ABLIM2: variants seen among roughly 807,000 people sequenced by gnomAD.
The protein encoded by ABLIM2 is actin-binding LIM protein 2.
Under a neutral mutation model 97.7 loss-of-function variants are expected in ABLIM2, and 53 were observed. The observed-to-expected ratio is 0.54, with a 90% confidence interval of 0.44 to 0.68. ABLIM2 has a LOEUF of 0.68. Among genes scored for constraint, ABLIM2 ranks in the 30% least tolerant of loss-of-function variants. The pLI, the probability that ABLIM2 is intolerant of heterozygous loss-of-function variation, is 0.00. For missense variants in ABLIM2, 835 were observed against 867.2 expected (o/e 0.96, Z 0.47); for synonymous variants, 361 against 345.8 (o/e 1.04, Z -0.49).
At position 8,084,320 on chromosome 4, in the gene ABLIM2, G is replaced by A. The variant is rs371900062; in HGVS notation, c.455-3518C>T. 2.2e-3 allele frequency among the ~76,000 whole-genome samples: 334 copies of A among 152,228 alleles called. 2 individuals carry two copies. Among genetic ancestry groups the A allele is most frequent in the African/African-American group, 7.7e-3 (318 of 41,540 alleles). On this transcript the variant is annotated intron_variant, in intron 4 of 20. Transcript: ENST00000447017. ...AGGATCCTGGGTTTACCTCCCAGGCGCACCCAGGGGTTCTCCTGTTTCCTA... is the reference window on the plus strand; with the variant it reads ...AGGATCCTGGGTTTACCTCCCAGGCACACCCAGGGGTTCTCCTGTTTCCTA...
At chr4:8,049,724 G>C (rs761038162) in intron 8 of ABLIM2, among the ~76,000 whole-genome samples, 14 of 152,050 alleles carry the variant, frequency 9.2e-5, no homozygotes, top group African/African-American at 1.4e-4. Context: ...CTGCCAATCA[G>C]AACATTTTAT....
At position 7,992,002 on chromosome 4, in the gene ABLIM2, A is replaced by T. The variant is rs1749166316; in HGVS notation, c.1680+864T>A. Reference sequence around the variant, plus strand: ...TTTTAGTGGCCTCGGTTGAGAGGTGAATTGCCTCTATTTATGAACAAATTT... The same window carrying T: ...TTTTAGTGGCCTCGGTTGAGAGGTGTATTGCCTCTATTTATGAACAAATTT... On this transcript the variant is annotated intron_variant, in intron 17 of 20. Transcript: ENST00000447017. This position sits in a 1 kb window ranked among gnomAD's most constrained non-coding sequence, Gnocchi z 5.7. Among the ~76,000 whole-genome samples, 1 of 152,096 alleles carries T rather than the reference A, an allele frequency of 6.6e-6. No individual in the cohort carries two copies. The highest frequency in any genetic ancestry group is 1.5e-5 in the Non-Finnish European group (1 of 68,012).
chr4:8,103,636 C>G (rs1319112591), intron 2 of ABLIM2, among the ~76,000 whole-genome samples: 1 of 152,240 alleles, frequency 6.6e-6, no homozygotes, highest in Non-Finnish European at 1.5e-5. Context: ...GTCCCCAGCC[C>G]TGGGTCAGCC....
At chr4:8,101,896 A>G (rs2152712719) in intron 2 of ABLIM2, among the ~76,000 whole-genome samples, 2 of 152,318 alleles carry the variant, frequency 1.3e-5, no homozygotes, top group Admixed American at 1.3e-4. Context: ...TCCCATTTGT[A>G]GAGTAAGGAC....
rs6824787 is a variant in ABLIM2 at position 8,058,755 on chromosome 4, C to T, written c.763+2212G>A. Among the ~76,000 whole-genome samples the T allele has an allele frequency of 5.5e-3, 840 of 152,278 alleles. 7 individuals carry two copies. Among genetic ancestry groups the T allele is most frequent in the African/African-American group, 0.019 (782 of 41,558 alleles). Reference sequence around the variant, plus strand: ...TCCACCATCACCCTCCCAACCCATCCAGTCTTAGGCCTGCCTGGCTCAGTT... The same window carrying T: ...TCCACCATCACCCTCCCAACCCATCTAGTCTTAGGCCTGCCTGGCTCAGTT... On this transcript the variant is annotated intron_variant, in intron 7 of 20. Transcript: ENST00000447017. The surrounding 1 kb of genome is among the most constrained non-coding windows in gnomAD (Gnocchi z 4.2).
chr4:7,988,251 G>T (rs1371288771), intron 17 of ABLIM2, among the ~76,000 whole-genome samples: 1 of 152,166 alleles, frequency 6.6e-6, no homozygotes, highest in Non-Finnish European at 1.5e-5. Context: ...TCGAACTCCT[G>T]ACCTCAAGTG....
At chr4:8,106,739 G>T in intron 1 of ABLIM2, 102 bp from the exon 2 acceptor site, 1 of 1,410,660 alleles carries the variant, frequency 7.1e-7, no homozygotes, top group Non-Finnish European at 9.4e-7. Flanking sequence ...CTGCCAGCGG[G>T]CCCCGCACCC....
At chr4:8,039,206 G>C (rs1305999723) in intron 9 of ABLIM2, among the ~76,000 whole-genome samples, 1 of 152,204 alleles carries the variant, frequency 6.6e-6, no homozygotes, top group Non-Finnish European at 1.5e-5. Context: ...CAAAAGTCAG[G>C]TGAACTCTCA....
intron 14 of ABLIM2, among the ~76,000 whole-genome samples, chr4:8,016,123 C>A (rs2150729484): frequency 6.7e-6 from 1 of 148,664 alleles, no homozygotes; most frequent in South Asian, 2.1e-4. Context: ...CGGCTCACTG[C>A]AACCTCTGCC....
rs564240150 is a variant in ABLIM2 at position 8,005,699 on chromosome 4, A to C, written c.1618+2360T>G. Reference sequence around the variant, plus strand: ...CGCTGCCATTTCCATGCAAATCGGGAAACAAGGCAATGCCATCGGGACAGA... The same window carrying C: ...CGCTGCCATTTCCATGCAAATCGGGCAACAAGGCAATGCCATCGGGACAGA... On this transcript the variant is annotated intron_variant, in intron 16 of 20. Coordinates refer to ENST00000447017, the MANE Select transcript of ABLIM2 (RefSeq NM_001130083.2). The surrounding 1 kb of genome is among the most constrained non-coding windows in gnomAD (Gnocchi z 4.9). Among the ~76,000 whole-genome samples the C allele has an allele frequency of 6.6e-6, 1 of 152,230 alleles. No homozygotes were observed. Among genetic ancestry groups the C allele is most frequent in the South Asian group, 2.1e-4 (1 of 4,838 alleles).
Position 8,072,365 on chromosome 4 carries a change from C to G in ABLIM2, c.675+5263G>C, listed in dbSNP as rs148792191. 6.6e-4 allele frequency among the ~76,000 whole-genome samples: 100 copies of G among 152,312 alleles called. No homozygotes were observed. Among genetic ancestry groups the G allele is most frequent in the African/African-American group, 2.0e-3 (83 of 41,570 alleles). On this transcript the variant is annotated intron_variant, in intron 6 of 20. Transcript: ENST00000447017. This position sits in a 1 kb window ranked among gnomAD's most constrained non-coding sequence, Gnocchi z 5.8. ...CCCACTTTGCTCGCCCAGTGCGGAG[C>G]GTGCCTGAGGCAGAGCAGCCCCAGT...
rs1848683757 is a variant in ABLIM2, at chr4:8,127,925, A to G, written c.11-21288T>C. Reference sequence around the variant, plus strand: ...GTGTAGGGGCAGCAATAGTGAGCTCACAACCCCCACAGCCCCGCGTGCTGG... The same window carrying G: ...GTGTAGGGGCAGCAATAGTGAGCTCGCAACCCCCACAGCCCCGCGTGCTGG... On this transcript the variant is annotated intron_variant, in intron 1 of 20. Coordinates refer to ENST00000447017, the MANE Select transcript of ABLIM2 (RefSeq NM_001130083.2). This position sits in a 1 kb window ranked among gnomAD's most constrained non-coding sequence, Gnocchi z 7.3. Among the ~76,000 whole-genome samples the G allele has an allele frequency of 6.6e-6, 1 of 152,172 alleles. No individual in the cohort carries two copies.
Position 7,999,372 on chromosome 4 carries a change from TA to T in ABLIM2, c.1619-6446del, listed in dbSNP as rs1435552196. 6.6e-6 allele frequency among the ~76,000 whole-genome samples: 1 copy of T among 152,214 alleles called. No individual in the cohort carries two copies. The highest frequency in any genetic ancestry group is 2.1e-4 in the South Asian group (1 of 4,826). ...TGCGCCCGGCCAAGAATCACTGGTTTAAAAAGTCCCTTTACATATTCAGAGA... is the reference window on the plus strand; with the variant it reads ...TGCGCCCGGCCAAGAATCACTGGTTTAAAAGTCCCTTTACATATTCAGAGA... On this transcript the variant is annotated intron_variant, in intron 16 of 20. Coordinates refer to ENST00000447017, the MANE Select transcript of ABLIM2 (RefSeq NM_001130083.2). The surrounding 1 kb of genome is among the most constrained non-coding windows in gnomAD (Gnocchi z 4.4).
At chr4:8,104,691 G>A (rs910908677) in intron 2 of ABLIM2, among the ~76,000 whole-genome samples, 7 of 152,166 alleles carry the variant, frequency 4.6e-5, no homozygotes, top group African/African-American at 1.4e-4. Flanking sequence ...TGAGCTCAGC[G>A]TCTTCCCTAA....
intron 17 of ABLIM2, among the ~76,000 whole-genome samples, chr4:7,987,352 G>A (rs1745085165): frequency 6.6e-6 from 1 of 151,834 alleles, no homozygotes; most frequent in African/African-American, 2.4e-5. Context: ...CAAACTCTTG[G>A]CTTCAAGCAA....
At position 7,992,995 on chromosome 4, in the gene ABLIM2, G is replaced by A; in HGVS notation, c.1619-68C>T. 1.3e-6 allele frequency: 2 copies of A among 1,553,230 alleles called. No individual in the cohort carries two copies. The highest frequency in any genetic ancestry group is 2.3e-5 in the South Asian group (2 of 86,948). Reference sequence around the variant, plus strand: ...GTGCAGCAATGGGGGTGCAGCCCTGGGGGGGCTTCCCACCGGGGTGGGCAA... The same window carrying A: ...GTGCAGCAATGGGGGTGCAGCCCTGAGGGGGCTTCCCACCGGGGTGGGCAA... On this transcript the variant is annotated intron_variant, in intron 16 of 20. Transcript: ENST00000447017. The surrounding 1 kb of genome is among the most constrained non-coding windows in gnomAD (Gnocchi z 5.7).
chr4:8,142,891 AGGTCTGG>A (rs1474956634), intron 1 of ABLIM2, among the ~76,000 whole-genome samples: 3 of 152,140 alleles, frequency 2.0e-5, no homozygotes, highest in African/African-American at 7.2e-5. Flanking sequence ...GAGGAACCTC[AGGTCTGG>A]GGAAGGTGGG....
intron 1 of ABLIM2, among the ~76,000 whole-genome samples, chr4:8,142,667 C>A (rs115268614): frequency 6.6e-6 from 1 of 152,148 alleles, no homozygotes; most frequent in Non-Finnish European, 1.5e-5. Context: ...CTCGCAGCCA[C>A]GAGGTGGGCA....
rs2150680052 is a variant in ABLIM2 at position 8,015,076 on chromosome 4, A to G, written c.1423+4542T>C. Among the ~76,000 whole-genome samples, 1 of 151,960 alleles carries G rather than the reference A, an allele frequency of 6.6e-6. No individual in the cohort carries two copies. Among genetic ancestry groups the G allele is most frequent in the Non-Finnish European group, 1.5e-5 (1 of 67,938 alleles). On this transcript the variant is annotated intron_variant, in intron 14 of 20. Transcript: ENST00000447017. This position sits in a 1 kb window ranked among gnomAD's most constrained non-coding sequence, Gnocchi z 4.6. ...GCTGGGATTACAGGCGCCGGCCACC[A>G]CACTTGGCTAATTTTTATATTGTTA... is the stretch of plus-strand genomic sequence containing the variant.
Sources: gnomAD v4.1 joint callset for allele counts (sites outside exome capture counted in the v4.1 genomes callset) on GRCh38, gnomAD v4.1.1 for gene constraint, Gnocchi (gnomAD v3.1) non-coding constraint, MANE v1.5 for transcripts, NCBI Gene and HGNC (gene_info 2026-07-23, HGNC 2026-07-21) for gene names.